The following SEPTIN9 variants were observed in gnomAD, a reference collection of about 807,000 sequenced individuals.
The protein encoded by SEPTIN9 is septin 9, also known as septin-9.
SEPTIN9 carries 13 observed loss-of-function variants against 56.6 expected under a neutral mutation model. The ratio of observed to expected loss-of-function variants is 0.23; its 90% CI spans 0.15 to 0.37. The LOEUF is 0.37. Ranked by LOEUF, SEPTIN9 falls within the 10% of genes least tolerant of loss-of-function variation. The probability of loss-of-function intolerance (pLI) is 1.00; values close to 1 mark genes in which losing one functional copy is unlikely to be tolerated. For synonymous variants in SEPTIN9, 332 were observed against 334.1 expected, an observed-to-expected ratio of 0.99 and a Z score of 0.07; for missense variants, 650 against 823.1, an observed-to-expected ratio of 0.79 and a Z score of 2.57.
Position 77,433,784 on chromosome 17 carries a change from C to T in SEPTIN9, c.721+31081C>T, listed in dbSNP as rs1004877448. 6.6e-6 allele frequency among the ~76,000 whole-genome samples: 1 copy of T among 152,094 alleles called. No homozygotes were observed. The highest frequency in any genetic ancestry group is 2.4e-5 in the African/African-American group (1 of 41,396). ...AGATGGGGAGTGCACCCCTGCCCTC[C>T]CCTCCTGGGTATCCCCTGCGCCCCC... On this transcript the variant is annotated intron_variant, in intron 3 of 11. Transcript: ENST00000427177. The surrounding 1 kb of genome is among the most constrained non-coding windows in gnomAD (Gnocchi z 6.4).
chr17:77,359,179 G>C (rs1022844047), intron 2 of SEPTIN9, among the ~76,000 whole-genome samples: 1 of 152,182 alleles, frequency 6.6e-6, no homozygotes, highest in African/African-American at 2.4e-5. Flanking sequence ...CCTGTCATCA[G>C]GGAGGCTGAG....
intron 1 of SEPTIN9, among the ~76,000 whole-genome samples, chr17:77,284,827 A>T (rs986666398): frequency 2.0e-5 from 3 of 151,870 alleles, no homozygotes; most frequent in Admixed American, 2.0e-4. Context: ...ATGGGGTTTC[A>T]CCATGTTGGT....
chr17:77,475,788 T>C lies in SEPTIN9; in HGVS notation c.722-6356T>C. The C allele has an allele frequency of 2.5e-6, 4 of 1,613,326 alleles. No homozygotes were observed. The highest frequency in any genetic ancestry group is 3.4e-6 in the Non-Finnish European group (4 of 1,179,866). On this transcript the variant is annotated intron_variant, in intron 3 of 11. Transcript: ENST00000427177. The surrounding 1 kb of genome is among the most constrained non-coding windows in gnomAD (Gnocchi z 4.6). ...ACGGGCCTGGAAGGCTGACAGGGTG[T>C]GGTGAGTGCCACCGGCTCCCCTGCC...
intron 2 of SEPTIN9, among the ~76,000 whole-genome samples, chr17:77,382,078 A>G (rs1473756921): frequency 6.6e-6 from 1 of 151,750 alleles, no homozygotes; most frequent in African/African-American, 2.4e-5. Flanking sequence ...CCCAGGCTGC[A>G]GTGCAGTGGC....
rs145121419 is a variant in SEPTIN9, at chr17:77,285,797, G to A, written c.19+4243G>A. Among the ~76,000 whole-genome samples, 511 of 152,360 alleles carry A rather than the reference G, an allele frequency of 3.4e-3. 2 individuals carry two copies. Among genetic ancestry groups the A allele is most frequent in the African/African-American group, 0.012 (484 of 41,586 alleles). On this transcript the variant is annotated intron_variant, in intron 1 of 11. Transcript: ENST00000427177. ...TCGTGACTTCTGAGTCCTGGGCAGGGAGGGAGGCTGCACCCACACAGGAAG... is the reference window on the plus strand; with the variant it reads ...TCGTGACTTCTGAGTCCTGGGCAGGAAGGGAGGCTGCACCCACACAGGAAG...
chr17:77,495,672 G>T (rs1382499664), intron 10 of SEPTIN9, among the ~76,000 whole-genome samples: 10 of 152,212 alleles, frequency 6.6e-5, no homozygotes, highest in Non-Finnish European at 1.3e-4. Flanking sequence ...CTTCCTGCCG[G>T]CTCTCGCTGC....
rs1490786014 is a variant in SEPTIN9, at chr17:77,369,450, T to G, written c.77-32609T>G. Reference sequence around the variant, plus strand: ...CGCACCATGGTTTGGATGCTGAGGGTGAGGGAAAGAGAGGAGTCAACAGTG... The same window carrying G: ...CGCACCATGGTTTGGATGCTGAGGGGGAGGGAAAGAGAGGAGTCAACAGTG... On this transcript the variant is annotated intron_variant, in intron 2 of 11. Coordinates refer to ENST00000427177, the MANE Select transcript of SEPTIN9 (RefSeq NM_001113491.2). The surrounding 1 kb of genome is among the most constrained non-coding windows in gnomAD (Gnocchi z 4.9). Among the ~76,000 whole-genome samples, 3 of 151,594 alleles carry G rather than the reference T, an allele frequency of 2.0e-5. No individual in the cohort carries two copies. The highest frequency in any genetic ancestry group is 4.9e-5 in the African/African-American group (2 of 41,206).
At chr17:77,428,489 C>T (rs1301620210) in intron 3 of SEPTIN9, among the ~76,000 whole-genome samples, 1 of 152,206 alleles carries the variant, frequency 6.6e-6, no homozygotes, top group African/African-American at 2.4e-5. Context: ...GTTCCACCCC[C>T]AAACTGGGTG....
intron 2 of SEPTIN9, among the ~76,000 whole-genome samples, chr17:77,307,951 G>C (rs1019348314): frequency 6.6e-6 from 1 of 152,216 alleles, no homozygotes; most frequent in African/African-American, 2.4e-5. Context: ...GATCTCCCCT[G>C]CCTGACCCCA....
At chr17:77,343,419 G>A (rs150819658) in intron 2 of SEPTIN9, among the ~76,000 whole-genome samples, 17 of 152,306 alleles carry the variant, frequency 1.1e-4, no homozygotes, top group South Asian at 2.1e-4. Context: ...GCTCCATGCC[G>A]CTTCCTTCAT....
chr17:77,478,815 A>AAAT (rs1167931882), intron 3 of SEPTIN9, among the ~76,000 whole-genome samples: 1 of 152,054 alleles, frequency 6.6e-6, no homozygotes, highest in African/African-American at 2.4e-5. Context: ...AAAAAAAAAA[A>AAAT]AAAAAGGGTG....
At chr17:77,298,019 A>T (rs763283007) in intron 1 of SEPTIN9, among the ~76,000 whole-genome samples, 1 of 152,188 alleles carries the variant, frequency 6.6e-6, no homozygotes, top group Non-Finnish European at 1.5e-5. Flanking sequence ...GCAGTAGAGC[A>T]GGCGAGGAGG....
At chr17:77,441,050 G>A (rs1172815888) in intron 3 of SEPTIN9, among the ~76,000 whole-genome samples, 2 of 152,214 alleles carry the variant, frequency 1.3e-5, no homozygotes, top group Non-Finnish European at 2.9e-5. Flanking sequence ...CAAACAGATG[G>A]AGGGGCTATT....
At position 77,310,893 on chromosome 17, in the gene SEPTIN9, A is replaced by G. The variant is rs2032465548; in HGVS notation, c.76+3696A>G. ...GCTAGGTCCTGCTCTTCCATCTTCC[A>G]ATACCTCTGGGGTGTGTGGCCTTTT... On this transcript the variant is annotated intron_variant, in intron 2 of 11. Transcript: ENST00000427177. The surrounding 1 kb of genome is among the most constrained non-coding windows in gnomAD (Gnocchi z 4.7). Among the ~76,000 whole-genome samples the G allele has an allele frequency of 6.6e-6, 1 of 151,930 alleles. No homozygotes were observed. Among genetic ancestry groups the G allele is most frequent in the South Asian group, 2.1e-4 (1 of 4,812 alleles).
chr17:77,487,313 C>T lies in SEPTIN9; in HGVS notation c.914-111C>T, dbSNP rs1289112692. Reference sequence around the variant, plus strand: ...ATATTGCCGGGAGGTAGCCCAGGCACTGCTGAATCTCAGACTGGAGAGCCT... The same window carrying T: ...ATATTGCCGGGAGGTAGCCCAGGCATTGCTGAATCTCAGACTGGAGAGCCT... On this transcript the variant is annotated intron_variant, in intron 4 of 11. Coordinates refer to ENST00000427177, the MANE Select transcript of SEPTIN9 (RefSeq NM_001113491.2). The surrounding 1 kb of genome is among the most constrained non-coding windows in gnomAD (Gnocchi z 4.3). 2.4e-6 allele frequency: 3 copies of T among 1,234,512 alleles called. No homozygotes were observed. Among genetic ancestry groups the T allele is most frequent in the East Asian group, 5.1e-5 (2 of 39,178 alleles). 76.5% of individuals were successfully genotyped at this position (1,234,512 alleles called of 1,614,324 possible).
In SEPTIN9 at chr17:77,489,013, T is replaced by G. The variant is rs1003295242; in HGVS notation, c.1262+149T>G. The G allele has an allele frequency of 3.1e-6, 3 of 973,270 alleles. No homozygotes were observed. The African/African-American group carries it at 4.9e-5, about 16-fold the overall frequency. 60.3% of individuals were successfully genotyped at this position (973,270 alleles called of 1,614,324 possible). On this transcript the variant is annotated intron_variant, in intron 7 of 11. Transcript: ENST00000427177. ...GCCGCCAGCTATGAAGTTGGGGGTG[T>G]GCCATGTCTGCACCTCCAAAGCCTC...
intron 1 of SEPTIN9, among the ~76,000 whole-genome samples, chr17:77,297,338 T>C (rs1040991181): frequency 1.3e-5 from 2 of 152,134 alleles, no homozygotes; most frequent in African/African-American, 4.8e-5. Context: ...AAGAGGGAAT[T>C]CACCTTTTCT....
chr17:77,415,868 G>A (rs2036488130), intron 3 of SEPTIN9, among the ~76,000 whole-genome samples: 3 of 152,236 alleles, frequency 2.0e-5, no homozygotes, highest in Non-Finnish European at 2.9e-5. Context: ...AGCGTGGGCA[G>A]GACAGCCCCA....
chr17:77,304,000 C>T (rs2032164879), intron 1 of SEPTIN9, among the ~76,000 whole-genome samples: 1 of 152,228 alleles, frequency 6.6e-6, no homozygotes, highest in South Asian at 2.1e-4. Flanking sequence ...TGTCTTCTCT[C>T]CTTCTGAGTA....
Sources: allele counts gnomAD v4.1 joint callset (sites outside exome capture counted in the v4.1 genomes callset), GRCh38; gene constraint gnomAD v4.1.1; non-coding constraint Gnocchi (gnomAD v3.1); transcripts MANE v1.5; gene names NCBI Gene and HGNC (gene_info 2026-07-23, HGNC 2026-07-21).